Variants in RORA observed in about 807,000 individuals in gnomAD.
RORA encodes RAR related orphan receptor A.
In RORA, 7 loss-of-function variants were observed where a neutral mutation model predicts 69.5. The observed-to-expected ratio is 0.10, with a 90% CI of 0.06 to 0.19. The LOEUF is 0.19. Ranked by LOEUF, RORA falls within the 10% of genes least tolerant of loss-of-function variation. The pLI, the probability that RORA is intolerant of heterozygous loss-of-function variation, is 1.00. For missense variants in RORA, 457 were observed against 663.0 expected (o/e 0.69, Z 3.41); for synonymous variants, 261 against 240.8 (o/e 1.08, Z -0.78).
At chr15:61,190,039 A>G in intron 1 of RORA, among the ~76,000 whole-genome samples, 1 of 152,198 alleles carries the variant, frequency 6.6e-6, no homozygotes. Context: ...AATAAATGAG[A>G]TTTATATCTA....
Position 61,197,749 on chromosome 15 carries a change from G to A in RORA, c.166+31304C>T, listed in dbSNP as rs116785450. ...CTCATTACGAAACAGGTTTGTCCTG[G>A]ATCCCATCCAAAAAGACCTGGTGAA... On this transcript the variant is annotated intron_variant, in intron 1 of 10. Transcript: ENST00000335670. 6.8e-3 allele frequency among the ~76,000 whole-genome samples: 1,030 copies of A among 152,228 alleles called. 16 individuals are homozygous for A. Among genetic ancestry groups the A allele is most frequent in the African/African-American group, 0.023 (964 of 41,530 alleles).
At chr15:60,628,694 C>T (rs188959834) in intron 2 of RORA, among the ~76,000 whole-genome samples, 3 of 152,296 alleles carry the variant, frequency 2.0e-5, no homozygotes, top group Admixed American at 6.5e-5. Flanking sequence ...ATTTCTTCAG[C>T]ATCTTCCACA....
chr15:60,944,790 C>G (rs143360875), intron 1 of RORA, among the ~76,000 whole-genome samples: 2 of 152,026 alleles, frequency 1.3e-5, no homozygotes, highest in Admixed American at 1.3e-4. Flanking sequence ...ATAATCGTCC[C>G]TGCAGAAGGA....
intron 2 of RORA, among the ~76,000 whole-genome samples, chr15:60,623,675 T>C (rs1309889660): frequency 2.0e-5 from 3 of 152,168 alleles, no homozygotes; most frequent in Non-Finnish European, 4.4e-5. Context: ...TGGTTACCGC[T>C]TTATGTGAAT....
intron 1 of RORA, among the ~76,000 whole-genome samples, chr15:61,168,589 A>C (rs2140890728): frequency 6.6e-6 from 1 of 152,134 alleles, no homozygotes; most frequent in African/African-American, 2.4e-5. Flanking sequence ...TGATATTTTT[A>C]GGATAAATAA....
At chr15:61,105,751 A>C (rs1030745162) in intron 1 of RORA, among the ~76,000 whole-genome samples, 1 of 152,242 alleles carries the variant, frequency 6.6e-6, no homozygotes, top group African/African-American at 2.4e-5. Context: ...GACCTTGACC[A>C]AGCCACTTAC....
intron 6 of RORA, among the ~76,000 whole-genome samples, chr15:60,504,873 C>G (rs924327341): frequency 3.3e-5 from 5 of 152,146 alleles, no homozygotes; most frequent in Non-Finnish European, 4.4e-5. Context: ...GGAAGAAACA[C>G]TGAATTAGGA....
intron 1 of RORA, among the ~76,000 whole-genome samples, chr15:60,920,531 C>T (rs1465593263): frequency 6.6e-6 from 1 of 152,160 alleles, no homozygotes; most frequent in African/African-American, 2.4e-5. Context: ...CAAGCTTTAC[C>T]AGTACCCAAA....
chr15:61,125,614 A>G (rs374705179), intron 1 of RORA, among the ~76,000 whole-genome samples: 1 of 152,234 alleles, frequency 6.6e-6, no homozygotes, highest in East Asian at 1.9e-4. Context: ...TAACTTTATT[A>G]TACCATTTCA....
At chr15:61,136,922 T>G (rs1343657556) in intron 1 of RORA, among the ~76,000 whole-genome samples, 2 of 151,856 alleles carry the variant, frequency 1.3e-5, no homozygotes, top group African/African-American at 4.8e-5. Context: ...TTCCTGGAAT[T>G]TGCTCTTTTG....
chr15:60,734,174 C>T (rs1451467350), intron 1 of RORA, among the ~76,000 whole-genome samples: 2 of 151,990 alleles, frequency 1.3e-5, no homozygotes, highest in African/African-American at 4.8e-5. Context: ...TCAATGTGAC[C>T]CCTAAATCAG....
chr15:60,928,471 C>T (rs1892279331), intron 1 of RORA, among the ~76,000 whole-genome samples: 1 of 152,178 alleles, frequency 6.6e-6, no homozygotes, highest in South Asian at 2.1e-4. Context: ...CTGCCTTCCC[C>T]TTGGAACCTA....
At chr15:60,832,932 T>A (rs575939061) in intron 1 of RORA, among the ~76,000 whole-genome samples, 1 of 151,958 alleles carries the variant, frequency 6.6e-6, no homozygotes, top group African/African-American at 2.4e-5. Context: ...TGAGACGGAG[T>A]CTCACTGTGT....
At chr15:60,611,805 G>A (rs2069099989) in intron 2 of RORA, among the ~76,000 whole-genome samples, 1 of 152,110 alleles carries the variant, frequency 6.6e-6, no homozygotes, top group Non-Finnish European at 1.5e-5. Flanking sequence ...TGGTCCTCTG[G>A]TTTTGCTGCT....
At chr15:61,168,046 G>C (rs575581466) in intron 1 of RORA, among the ~76,000 whole-genome samples, 9 of 152,128 alleles carry the variant, frequency 5.9e-5, no homozygotes, top group African/African-American at 1.9e-4. Context: ...TAAAAGCCCA[G>C]AGTTCTACTA....
At chr15:60,861,129 A>G (rs1046432673) in intron 1 of RORA, among the ~76,000 whole-genome samples, 2 of 152,222 alleles carry the variant, frequency 1.3e-5, no homozygotes, top group Non-Finnish European at 2.9e-5. Context: ...GATCCTAAAG[A>G]AACCATTCAT....
intron 10 of RORA, among the ~76,000 whole-genome samples, chr15:60,498,147 A>C (rs910198571): frequency 6.6e-6 from 1 of 152,218 alleles, no homozygotes; most frequent in Non-Finnish European, 1.5e-5. Flanking sequence ...TGAATAATTC[A>C]ATAACTAGAA....
At chr15:61,060,023 A>AAGAAGAAGG (rs1442879568) in intron 1 of RORA, among the ~76,000 whole-genome samples, 2 of 149,756 alleles carry the variant, frequency 1.3e-5, no homozygotes, top group Non-Finnish European at 3.0e-5. Flanking sequence ...GAAGAAGAAG[A>AAGAAGAAGG]AGAAGAAGAA....
chr15:60,949,824 T>C (rs1186749201), intron 1 of RORA, among the ~76,000 whole-genome samples: 1 of 152,214 alleles, frequency 6.6e-6, no homozygotes, highest in Non-Finnish European at 1.5e-5. Context: ...TTTCATACCA[T>C]CTGTTATGTG....
Sources: allele counts gnomAD v4.1 joint callset (sites outside exome capture counted in the v4.1 genomes callset), GRCh38; gene constraint gnomAD v4.1.1; transcripts MANE v1.5; gene names NCBI Gene and HGNC (gene_info 2026-07-23, HGNC 2026-07-21).